The following SRPK1 variants were observed in gnomAD, a reference collection of about 807,000 sequenced individuals.
SRPK1 encodes the protein SFRS protein kinase 1.
SRPK1 carries 52 observed loss-of-function variants against 89.5 expected under a neutral mutation model. That is an observed-to-expected ratio of 0.58 (90% CI 0.46 to 0.73). The LOEUF (loss-of-function observed/expected upper bound fraction) is 0.73, where lower values mean the gene tolerates loss of function less well. Among genes scored for constraint, SRPK1 ranks in the 30% least tolerant of loss-of-function variants. The pLI, the probability that SRPK1 is intolerant of heterozygous loss-of-function variation, is 0.00. For missense variants in SRPK1, 603 were observed against 780.6 expected (o/e 0.77, Z 2.71); for synonymous variants, 255 against 270.2 (o/e 0.94, Z 0.55).
At position 35,876,511 on chromosome 6, in the gene SRPK1, G is replaced by A. The variant is rs534186264; in HGVS notation, c.479-2172C>T. The stretch of plus-strand genomic sequence containing the variant: ...CCAAAAATTAGCCAAGTGTGGTGGC[G>A]TGTGCCTGTAGTCCCAGCTACTTAG... On this transcript the variant is annotated intron_variant, in intron 6 of 15. Coordinates refer to ENST00000373825, the MANE Select transcript of SRPK1 (RefSeq NM_003137.5). 1.2e-4 allele frequency among the ~76,000 whole-genome samples: 18 copies of A among 152,152 alleles called. No homozygotes were observed. In the South Asian group the frequency reaches 3.1e-3, roughly 26 times the overall value.
In SRPK1 at chr6:35,880,292, C is replaced by T. The variant is rs193174057; in HGVS notation, c.479-5953G>A. On this transcript the variant is annotated intron_variant, in intron 6 of 15. Coordinates refer to ENST00000373825, the MANE Select transcript of SRPK1 (RefSeq NM_003137.5). ...GTAGGCAGAAGAAAGAATCAGCAAACCTGAAGTTAGGGTGATGGAAATTAT... is the reference window on the plus strand; with the variant it reads ...GTAGGCAGAAGAAAGAATCAGCAAATCTGAAGTTAGGGTGATGGAAATTAT... 5.9e-5 allele frequency among the ~76,000 whole-genome samples: 9 copies of T among 151,490 alleles called. 1 individual carries two copies. The highest frequency in any genetic ancestry group is 5.9e-4 in the Admixed American group (9 of 15,214).
chr6:35,880,751 G>GAAAGAAAAAAAAA (rs1561983739), intron 6 of SRPK1, among the ~76,000 whole-genome samples: 3 of 40,016 alleles, frequency 7.5e-5, no homozygotes, highest in Admixed American at 2.3e-4. Context: ...AAAAAAAAAA[G>GAAAGAAAAAAAAA]AAAAGAAAAG....
chr6:35,873,407 A>C (rs1228538637), intron 7 of SRPK1, among the ~76,000 whole-genome samples: 1 of 152,250 alleles, frequency 6.6e-6, no homozygotes, highest in South Asian at 2.1e-4. Context: ...AACCTGGGGG[A>C]AAATGGTTAT....
intron 13 of SRPK1, among the ~76,000 whole-genome samples, chr6:35,854,990 A>G (rs554554816): frequency 6.6e-6 from 1 of 152,290 alleles, no homozygotes; most frequent in Admixed American, 6.5e-5. Context: ...TACTTCAGAC[A>G]GTTCACCAGC....
intron 8 of SRPK1, among the ~76,000 whole-genome samples, chr6:35,872,150 T>C (rs1770047975): frequency 6.6e-6 from 1 of 152,326 alleles, no homozygotes; most frequent in African/African-American, 2.4e-5. Context: ...TCAGCTAAGG[T>C]TTCTCAGTCT....
At chr6:35,855,390 T>C (rs890937096) in intron 13 of SRPK1, among the ~76,000 whole-genome samples, 3 of 152,106 alleles carry the variant, frequency 2.0e-5, no homozygotes, top group Non-Finnish European at 4.4e-5. Context: ...ATATCATCTC[T>C]ATTAGCTTTG....
Position 35,833,851 on chromosome 6 carries a change from C to G in SRPK1, c.*1453G>C, listed in dbSNP as rs1204110384. On this transcript the variant is annotated 3_prime_UTR_variant, in exon 16 of 16. Transcript: ENST00000373825. ...GCACCTCTGTGGCTTTCTGTAAATT[C>G]GAGTCCTACAGCCACTTCGAGAACG... The G allele has an allele frequency of 1.3e-5, 2 of 152,280 alleles. No homozygotes were observed. The highest frequency in any genetic ancestry group is 2.9e-5 in the Non-Finnish European group (2 of 68,018). 9.4% of individuals were successfully genotyped at this position (152,280 alleles called of 1,614,324 possible).
At chr6:35,903,286 CA>C (rs1770785171) in intron 2 of SRPK1, among the ~76,000 whole-genome samples, 2 of 152,012 alleles carry the variant, frequency 1.3e-5, no homozygotes, top group South Asian at 4.2e-4. Flanking sequence ...CAGGGGTGGG[CA>C]GATTACCTGA....
intron 2 of SRPK1, among the ~76,000 whole-genome samples, chr6:35,905,287 A>G (rs1020196737): frequency 6.6e-6 from 1 of 152,200 alleles, no homozygotes; most frequent in Non-Finnish European, 1.5e-5. Flanking sequence ...AACAGGAGCT[A>G]AGAAACCTTT....
At chr6:35,861,286 G>T (rs1436435077) in intron 12 of SRPK1, among the ~76,000 whole-genome samples, 1 of 152,172 alleles carries the variant, frequency 6.6e-6, no homozygotes, top group African/African-American at 2.4e-5. Context: ...TTATGATCTT[G>T]GTTATGGGAG....
intron 12 of SRPK1, among the ~76,000 whole-genome samples, chr6:35,858,460 T>C (rs1036189490): frequency 3.4e-5 from 5 of 147,954 alleles, no homozygotes; most frequent in Admixed American, 2.0e-4. Flanking sequence ...TATGAAATTA[T>C]CTTACAGACT....
intron 13 of SRPK1, among the ~76,000 whole-genome samples, chr6:35,850,166 C>T (rs530856461): frequency 1.7e-4 from 26 of 152,218 alleles, no homozygotes; most frequent in Non-Finnish European, 3.1e-4. Flanking sequence ...CGAGTACATT[C>T]GTACCTCATT....
At chr6:35,851,018 C>T (rs940379186) in intron 13 of SRPK1, among the ~76,000 whole-genome samples, 1 of 152,022 alleles carries the variant, frequency 6.6e-6, no homozygotes, top group East Asian at 1.9e-4. Flanking sequence ...TTGATTAACA[C>T]TTAAGACCAC....
chr6:35,915,571 T>C lies in SRPK1; in HGVS notation c.74+4897A>G, dbSNP rs143417205. 3.2e-4 allele frequency among the ~76,000 whole-genome samples: 48 copies of C among 152,288 alleles called. No homozygotes were observed. In the East Asian group the frequency reaches 6.9e-3, roughly 22 times the overall value. On this transcript the variant is annotated intron_variant, in intron 2 of 15. Transcript: ENST00000373825. ...ATTATTCACTATAGCTGTGAATTAA[T>C]TGTGAAAAACTGGAAACAGCCCATA...
intron 2 of SRPK1, among the ~76,000 whole-genome samples, chr6:35,896,354 TGTG>T (rs934508941): frequency 5.9e-5 from 9 of 152,208 alleles, no homozygotes; most frequent in South Asian, 2.1e-4. Context: ...TGTTCATTGT[TGTG>T]GTGTGAGAGC....
intron 13 of SRPK1, among the ~76,000 whole-genome samples, chr6:35,856,148 A>G (rs539928873): frequency 5.3e-5 from 8 of 152,320 alleles, no homozygotes; most frequent in African/African-American, 1.9e-4. Flanking sequence ...ACTGAGCTCA[A>G]TCACATGGCC....
At chr6:35,876,624 A>G (rs369607146) in intron 6 of SRPK1, among the ~76,000 whole-genome samples, 1 of 152,210 alleles carries the variant, frequency 6.6e-6, no homozygotes, top group Non-Finnish European at 1.5e-5. Flanking sequence ...CCTGAGTGAC[A>G]CAGTGACACC....
At chr6:35,862,211 G>A (rs1176251252) in intron 12 of SRPK1, among the ~76,000 whole-genome samples, 2 of 151,948 alleles carry the variant, frequency 1.3e-5, no homozygotes, top group African/African-American at 4.8e-5. Flanking sequence ...CCCAGTCAGA[G>A]ACCCAAGAAT....
Position 35,842,607 on chromosome 6 carries a change from A to G in SRPK1, c.1621-3T>C, listed in dbSNP as rs1329349508. On this transcript the variant is annotated splice_polypyrimidine_tract_variant and splice_region_variant and intron_variant, in intron 13 of 15. Coordinates refer to ENST00000373825, the MANE Select transcript of SRPK1 (RefSeq NM_003137.5). ...TCACCTGTGGCCAGTTCAAAGGCCT[A>G]AAAAAAAAAGAGGACAGTATATGAA... The G allele has an allele frequency of 3.3e-6, 4 of 1,202,114 alleles. No individual in the cohort carries two copies. The highest frequency in any genetic ancestry group is 2.5e-5 in the Admixed American group (1 of 40,392). 74.5% of individuals were successfully genotyped at this position (1,202,114 alleles called of 1,614,324 possible). A position where few individuals can be genotyped will look rare whatever the true frequency, so the allele number is the denominator to read the frequency against.
Sources: allele counts gnomAD v4.1 joint callset (sites outside exome capture counted in the v4.1 genomes callset), GRCh38; gene constraint gnomAD v4.1.1; transcripts MANE v1.5; gene names NCBI Gene and HGNC (gene_info 2026-07-23, HGNC 2026-07-21).